GRM7: variants seen among roughly 807,000 people sequenced by gnomAD.
The protein encoded by GRM7 is metabotropic glutamate receptor 7.
In GRM7, 35 loss-of-function variants were observed where a neutral mutation model predicts 84.5. The ratio of observed to expected loss-of-function variants is 0.41; its 90% CI spans 0.32 to 0.55. The LOEUF is 0.55. Ranked by LOEUF, GRM7 falls within the 20% of genes least tolerant of loss-of-function variation. The probability of loss-of-function intolerance (pLI) is 0.19; values close to 1 mark genes in which losing one functional copy is unlikely to be tolerated. For synonymous variants in GRM7, 487 were observed against 455.1 expected (o/e 1.07, Z -0.89); for missense variants, 1,003 against 1,194.6 (o/e 0.84, Z 2.36).
chr3:6,891,427 G>A (rs987716100), intron 1 of GRM7, among the ~76,000 whole-genome samples: 4 of 152,106 alleles, frequency 2.6e-5, no homozygotes, highest in Admixed American at 1.3e-4. Context: ...GAGCAGGCCT[G>A]GTGGTAACAA....
chr3:7,065,835 C>G (rs1451903821), intron 1 of GRM7, among the ~76,000 whole-genome samples: 1 of 151,704 alleles, frequency 6.6e-6, no homozygotes, highest in Non-Finnish European at 1.5e-5. Flanking sequence ...AGCACTCTCT[C>G]AGACCACAGT....
At chr3:7,668,204 C>G (rs1003864145) in intron 8 of GRM7, among the ~76,000 whole-genome samples, 2 of 152,150 alleles carry the variant, frequency 1.3e-5, no homozygotes, top group African/African-American at 4.8e-5. Context: ...AGTGTGTGCC[C>G]TGGGAGCCTC....
At chr3:7,238,935 TG>T (rs1697445953) in intron 2 of GRM7, among the ~76,000 whole-genome samples, 1 of 151,090 alleles carries the variant, frequency 6.6e-6, no homozygotes, top group African/African-American at 2.4e-5. Context: ...CTTTACTTTT[TG>T]TTTTTCTCTT....
chr3:7,525,586 A>C (rs371082914), intron 7 of GRM7, among the ~76,000 whole-genome samples: 6 of 152,208 alleles, frequency 3.9e-5, no homozygotes, highest in African/African-American at 1.2e-4. Context: ...TAGGGGGTAC[A>C]TGTGAAGGTT....
intron 7 of GRM7, among the ~76,000 whole-genome samples, chr3:7,560,963 A>C (rs899025569): frequency 2.0e-5 from 3 of 152,206 alleles, no homozygotes; most frequent in Admixed American, 1.3e-4. Flanking sequence ...CATGTGGCAC[A>C]TACTGCATAG....
At position 6,892,425 on chromosome 3, in the gene GRM7, C is replaced by G. The variant is rs538618198; in HGVS notation, c.519+30518C>G. Among the ~76,000 whole-genome samples the G allele has an allele frequency of 2.0e-5, 3 of 152,264 alleles. No homozygotes were observed. The East Asian group carries it at 5.8e-4, about 29-fold the overall frequency. On this transcript the variant is annotated intron_variant, in intron 1 of 9. Coordinates refer to ENST00000357716, the MANE Select transcript of GRM7 (RefSeq NM_000844.4). ...TAAGTTCTGGTTCTTTAGTCTGCTT[C>G]TAGTTACTGAAACTTAATCAATAAC...
chr3:7,190,732 CCTTAA>C (rs1695683351), intron 2 of GRM7, among the ~76,000 whole-genome samples: 1 of 151,956 alleles, frequency 6.6e-6, no homozygotes, highest in East Asian at 1.9e-4. Flanking sequence ...ATCATGGTGT[CCTTAA>C]GCAGAGAGCA....
At chr3:6,888,279 T>C (rs1695785032) in intron 1 of GRM7, among the ~76,000 whole-genome samples, 1 of 152,210 alleles carries the variant, frequency 6.6e-6, no homozygotes, top group Non-Finnish European at 1.5e-5. Flanking sequence ...CCATTGCTTT[T>C]GGTGTTTTAG....
At chr3:7,035,923 A>G (rs1696371862) in intron 1 of GRM7, among the ~76,000 whole-genome samples, 1 of 152,210 alleles carries the variant, frequency 6.6e-6, no homozygotes. Flanking sequence ...TATTGAGCAT[A>G]TACTATGTGC....
At chr3:7,557,481 A>C (rs1693825199) in intron 7 of GRM7, among the ~76,000 whole-genome samples, 1 of 152,182 alleles carries the variant, frequency 6.6e-6, no homozygotes, top group Non-Finnish European at 1.5e-5. Flanking sequence ...TGAGCGAGGA[A>C]GAAAAGAAAA....
intron 2 of GRM7, among the ~76,000 whole-genome samples, chr3:7,265,862 C>A (rs528953245): frequency 3.9e-5 from 6 of 152,194 alleles, no homozygotes; most frequent in Non-Finnish European, 7.3e-5. Context: ...AGGAAATGCA[C>A]ATCTTTTGAT....
At position 6,928,840 on chromosome 3, in the gene GRM7, T is replaced by C. The variant is rs536330870; in HGVS notation, c.519+66933T>C. ...GGGTTTGTGAACACTTGTTTGTCATTCATGATGATTAGGTTCCCCCATATT... is the reference window on the plus strand; with the variant it reads ...GGGTTTGTGAACACTTGTTTGTCATCCATGATGATTAGGTTCCCCCATATT... On this transcript the variant is annotated intron_variant, in intron 1 of 9. Coordinates refer to ENST00000357716, the MANE Select transcript of GRM7 (RefSeq NM_000844.4). This position sits in a 1 kb window ranked among gnomAD's most constrained non-coding sequence, Gnocchi z 4.5. 3.3e-5 allele frequency among the ~76,000 whole-genome samples: 5 copies of C among 152,352 alleles called. No homozygotes were observed. Among genetic ancestry groups the C allele is most frequent in the African/African-American group, 1.2e-4 (5 of 41,588 alleles).
Position 6,861,889 on chromosome 3 carries a change from C to A in GRM7, c.501C>A (p.Asn167Lys). 6.2e-7 allele frequency: 1 copy of A among 1,610,468 alleles called. No individual in the cohort carries two copies. Among genetic ancestry groups the A allele is most frequent in the East Asian group, 2.2e-5 (1 of 44,714 alleles). The change falls in exon 1 of 10, where the codon AAC (asparagine) becomes AAA (lysine). Residue 167 changes from asparagine (N) to lysine (K), a missense_variant. Coordinates refer to ENST00000357716, the MANE Select transcript of GRM7 (RefSeq NM_000844.4). This position sits in a 1 kb window ranked among gnomAD's most constrained non-coding sequence, Gnocchi z 6.4. The stretch of plus-strand genomic sequence containing the variant: ...GTTCGGTCTCCATCATGGTAGCCAA[C>A]ATCCTGAGGCTCTTCCAGGTAGGGA... ...SGSSVSIMVANILRLFQIPQI... is the reference protein window; with the variant it reads ...SGSSVSIMVAKILRLFQIPQI...
chr3:7,091,320 C>T (rs1426352301), intron 1 of GRM7, among the ~76,000 whole-genome samples: 4 of 152,112 alleles, frequency 2.6e-5, no homozygotes, highest in Non-Finnish European at 2.9e-5. Context: ...CTCTAGGTTT[C>T]TCCAGTGACT....
intron 1 of GRM7, among the ~76,000 whole-genome samples, chr3:7,046,349 C>A (rs1281313644): frequency 6.6e-6 from 1 of 152,100 alleles, no homozygotes; most frequent in Non-Finnish European, 1.5e-5. Flanking sequence ...TGAGCTGGAG[C>A]TAGACTTGTG....
chr3:7,176,313 A>T (rs183644784), intron 2 of GRM7, among the ~76,000 whole-genome samples: 4 of 146,660 alleles, frequency 2.7e-5, no homozygotes, highest in African/African-American at 1.0e-4. Flanking sequence ...CTAGAGGCAA[A>T]GGTGGGAGGA....
rs762174797 is a variant in GRM7 at position 7,579,092 on chromosome 3, T to A, written c.2186T>A (p.Ile729Asn). Residue 729 changes from isoleucine (I) to asparagine (N), a missense_variant, in exon 8 of 10, where the codon ATC (isoleucine) becomes AAC (asparagine). Transcript: ENST00000357716. ...TTTGGTGTTGATCCACCCAACATCA[T>A]CATAGACTATGATGAACACAAGACA... ...IWFGVDPPNIIIDYDEHKTMN... is the reference protein window; with the variant it reads ...IWFGVDPPNINIDYDEHKTMN... 2.5e-6 allele frequency: 4 copies of A among 1,614,026 alleles called. No homozygotes were observed. The highest frequency in any genetic ancestry group is 3.4e-6 in the Non-Finnish European group (4 of 1,179,936).
intron 4 of GRM7, among the ~76,000 whole-genome samples, chr3:7,376,975 C>G (rs1499208): frequency 0.51 from 77,446 of 152,050 alleles, 19,862 homozygotes; most frequent in East Asian, 0.59. Context: ...CCAAACGTCC[C>G]CTGGGGGACG....
chr3:7,472,531 T>C (rs1698744902), intron 7 of GRM7, among the ~76,000 whole-genome samples: 1 of 152,184 alleles, frequency 6.6e-6, no homozygotes, highest in Non-Finnish European at 1.5e-5. Context: ...GAAGAGTAAG[T>C]GATGCTAACA....
Sources: allele counts gnomAD v4.1 joint callset (sites outside exome capture counted in the v4.1 genomes callset), GRCh38; gene constraint gnomAD v4.1.1; non-coding constraint Gnocchi (gnomAD v3.1); transcripts MANE v1.5; gene names NCBI Gene and HGNC (gene_info 2026-07-23, HGNC 2026-07-21).